Variants in AHNAK observed in about 807,000 individuals in gnomAD.
The protein encoded by AHNAK is neuroblast differentiation-associated protein AHNAK.
AHNAK carries 23 observed loss-of-function variants against 37.8 expected under a neutral mutation model. That is an observed-to-expected ratio of 0.61 (90% CI 0.44 to 0.86). AHNAK has a LOEUF of 0.86. Among genes scored for constraint, AHNAK ranks in the 40% least tolerant of loss-of-function variants. The pLI, the probability that AHNAK is intolerant of heterozygous loss-of-function variation, is 0.00. For synonymous variants in AHNAK, 2,481 were observed against 2,636.3 expected (o/e 0.94, Z 1.80); for missense variants, 7,411 against 7,319.4 (o/e 1.01, Z -0.46).
At chr11:62,442,392 A>G (rs1284798913) in intron 5 of AHNAK, among the ~76,000 whole-genome samples, 2 of 152,072 alleles carry the variant, frequency 1.3e-5, no homozygotes, top group Non-Finnish European at 2.9e-5. Flanking sequence ...TATGAAAAAT[A>G]CAAAAATTAG....
downstream of AHNAK, among the ~76,000 whole-genome samples, chr11:62,515,230 G>A (rs1053705840): frequency 1.3e-5 from 2 of 152,188 alleles, no homozygotes; most frequent in Non-Finnish European, 2.9e-5. Context: ...CACAAGATCA[G>A]CACCCTGGCC....
chr11:62,495,225 G>A (rs1407512318), intron 4 of AHNAK, among the ~76,000 whole-genome samples: 3 of 151,922 alleles, frequency 2.0e-5, no homozygotes, highest in Admixed American at 6.6e-5. Flanking sequence ...AAACTACCTG[G>A]TTCATAAACC....
chr11:62,485,729 CAG>C (rs1939378035), intron 5 of AHNAK, among the ~76,000 whole-genome samples: 2 of 132,482 alleles, frequency 1.5e-5, no homozygotes, highest in Non-Finnish European at 1.6e-5. Flanking sequence ...AAAAGAATAA[CAG>C]AAGGCCGGGA....
Position 62,519,562 on chromosome 11 carries a change from G to A in AHNAK, c.14855C>T (p.Pro4952Leu), listed in dbSNP as rs751457214. ...VDLKGPKVEAPSLDVHMDSPD... is the reference protein window; with the variant it reads ...VDLKGPKVEALSLDVHMDSPD... ...GCTGTCCATGTGTACATCTAAGCTT[G>A]GAGCTTCAACTTTGGGTCCCTTGAG... Residue 4952 changes from proline (P) to leucine (L), a missense_variant, in exon 5 of 5, where the codon CCA (proline) becomes CTA (leucine). Transcript: ENST00000378024. The A allele has an allele frequency of 4.3e-6, 7 of 1,611,276 alleles. No individual in the cohort carries two copies. In the Admixed American group the frequency reaches 1.0e-4, roughly 23 times the overall value.
rs202133831 is a variant in AHNAK, at chr11:62,530,368, C to T, written c.4049G>A (p.Gly1350Asp). 17 of 1,613,952 alleles carry T rather than the reference C, an allele frequency of 1.1e-5. No homozygotes were observed. The South Asian group carries it at 1.8e-4, about 17-fold the overall frequency. ...DVDVSLPEVE[G>D]EMKVPDVDIK... is the part of the protein sequence containing the mutation. ...GTCAACATCTGGCACTTTCATTTCA[C>T]CTTCTACCTCAGGCAAGGACACATC... Residue 1350 changes from glycine (G) to aspartate (D), a missense_variant, in exon 5 of 5, where the codon GGT becomes GAT. Gly to Asp is a moderately conservative substitution (Grantham distance 94). Transcript: ENST00000378024.
In AHNAK at chr11:62,532,870, CCTTTCAGTTTAGGAGACCCAAG is replaced by C; in HGVS notation, c.1525_1546del (p.Leu509GlufsTer28). On this transcript the variant is annotated frameshift_variant, in exon 5 of 5. Transcript: ENST00000378024. LOFTEE classifies it low-confidence loss of function (END_TRUNC). ...CCCAGGAGCAGAAACCTTAATATCT[CCTTTCAGTTTAGGAGACCCAAG>C]GCTCAGATCCACATCCTGCATGGAG... 1 of 1,614,054 alleles carries C rather than the reference CCTTTCAGTTTAGGAGACCCAAG, an allele frequency of 6.2e-7. No homozygotes were observed. The highest frequency in any genetic ancestry group is 8.5e-7 in the Non-Finnish European group (1 of 1,180,002).
In AHNAK at chr11:62,516,671, T is replaced by C; in HGVS notation, c.*73A>G. 6.6e-7 allele frequency: 1 copy of C among 1,515,142 alleles called. No homozygotes were observed. The highest frequency in any genetic ancestry group is 8.8e-7 in the Non-Finnish European group (1 of 1,137,548). 93.9% of individuals were successfully genotyped at this position (1,515,142 alleles called of 1,614,324 possible). Reference sequence around the variant, plus strand: ...CAGTCGGTGTGTTTCCCTTTGGAGTTTATATAGGAACACACCACCCAAGGC... The same window carrying C: ...CAGTCGGTGTGTTTCCCTTTGGAGTCTATATAGGAACACACCACCCAAGGC... On this transcript the variant is annotated 3_prime_UTR_variant, in exon 5 of 5. Coordinates refer to ENST00000378024, the MANE Select transcript of AHNAK (RefSeq NM_001620.3).
At chr11:62,544,254 C>T (rs1941232678) in intron 1 of AHNAK, among the ~76,000 whole-genome samples, 2 of 152,208 alleles carry the variant, frequency 1.3e-5, no homozygotes, top group Admixed American at 6.5e-5. Context: ...GACCTTCTCC[C>T]TCAACAGGTC....
At position 62,518,132 on chromosome 11, in the gene AHNAK, C is replaced by T. The variant is rs1244233617; in HGVS notation, c.16285G>A (p.Val5429Ile). The T allele has an allele frequency of 1.2e-6, 2 of 1,614,200 alleles. No individual in the cohort carries two copies. Among genetic ancestry groups the T allele is most frequent in the South Asian group, 2.2e-5 (2 of 91,082 alleles). Reference sequence around the variant, plus strand: ...CCTGGCCCCTTCAGTTCGCCAGAAACCTGTGGCCCCTTGGCATTGACGTGC... The same window carrying T: ...CCTGGCCCCTTCAGTTCGCCAGAAATCTGTGGCCCCTTGGCATTGACGTGC... ...DLHVNAKGPQ[V>I]SGELKGPGVD... The change falls in exon 5 of 5, where the codon GTT becomes ATT. Residue 5429 changes from valine (V) to isoleucine (I), a missense_variant. By Grantham distance (29) the Val-to-Ile change is conservative. Coordinates refer to ENST00000378024, the MANE Select transcript of AHNAK (RefSeq NM_001620.3).
intron 5 of AHNAK, among the ~76,000 whole-genome samples, chr11:62,442,571 A>G (rs984746938): frequency 1.3e-5 from 2 of 151,632 alleles, no homozygotes; most frequent in African/African-American, 4.8e-5. Context: ...CAATAAATCT[A>G]TTTAGAGAAA....
At position 62,468,371 on chromosome 11, in the gene AHNAK, A is replaced by AT. The variant is rs1555021984; in HGVS notation, c.442+23360_442+23361insA. Among the ~76,000 whole-genome samples the AT allele has an allele frequency of 5.2e-3, 774 of 149,530 alleles. 7 individuals carry two copies. The highest frequency in any genetic ancestry group is 0.017 in the African/African-American group (701 of 40,360). On this transcript the variant is annotated intron_variant, in intron 5 of 5. Transcript: ENST00000257247. ...TCCCAAAAAAAAGAAAAAAAAAAAA[A>AT]ATATATATATATATGGGGATTTTAT...
chr11:62,498,568 G>A (rs900811202), intron 4 of AHNAK, among the ~76,000 whole-genome samples: 8 of 149,404 alleles, frequency 5.4e-5, no homozygotes, highest in African/African-American at 1.2e-4. Context: ...AGAGCAGCAC[G>A]TGAGCAACAT....
chr11:62,520,911 G>A lies in AHNAK; in HGVS notation c.13506C>T (p.Leu4502=), dbSNP rs748026800. ...EVDIEGPEGK[L]KGPKFKMPDV... is the part of the protein sequence containing the mutation. ...CAGGCATCTTAAACTTGGGACCTTTGAGCTTCCCTTCAGGACCTTCAATGT... is the reference window on the plus strand; with the variant it reads ...CAGGCATCTTAAACTTGGGACCTTTAAGCTTCCCTTCAGGACCTTCAATGT... Residue 4502 remains leucine (L), a synonymous_variant, in exon 5 of 5, where the codon CTC becomes CTT. Transcript: ENST00000378024. 6.2e-7 allele frequency: 1 copy of A among 1,614,030 alleles called. No individual in the cohort carries two copies. The highest frequency in any genetic ancestry group is 2.2e-5 in the East Asian group (1 of 44,878).
At chr11:62,448,887 G>A (rs1184904813) in intron 5 of AHNAK, among the ~76,000 whole-genome samples, 4 of 152,146 alleles carry the variant, frequency 2.6e-5, no homozygotes, top group Non-Finnish European at 5.9e-5. Flanking sequence ...GGCTAACACA[G>A]TGAAACCCCA....
rs1940430833 is a variant in AHNAK, at chr11:62,525,245, C to T, written c.9172G>A (p.Val3058Met). ...KADLDVSGPK[V>M]DIDVPDVNIE... ...TTCACATCTGGAACATCAATGTCCA[C>T]CTTGGGTCCTGAGACATCAAGGTCA... The change falls in exon 5 of 5, where the codon GTG (valine) becomes ATG (methionine). Residue 3058 changes from valine (V) to methionine (M), a missense_variant. Physicochemically the swap from Val to Met is conservative, Grantham distance 21. Coordinates refer to ENST00000378024, the MANE Select transcript of AHNAK (RefSeq NM_001620.3). 1 of 1,612,450 alleles carries T rather than the reference C, an allele frequency of 6.2e-7. No individual in the cohort carries two copies. Among genetic ancestry groups the T allele is most frequent in the Non-Finnish European group, 8.5e-7 (1 of 1,179,728 alleles).
intron 5 of AHNAK, among the ~76,000 whole-genome samples, chr11:62,490,202 T>TC (rs1217275642): frequency 7.2e-6 from 1 of 139,312 alleles, no homozygotes; most frequent in East Asian, 2.1e-4. Context: ...TTTTTCTTTT[T>TC]TTTTTTTTTT....
chr11:62,486,776 A>G (rs558825967), intron 5 of AHNAK, among the ~76,000 whole-genome samples: 2 of 151,330 alleles, frequency 1.3e-5, no homozygotes, highest in African/African-American at 4.9e-5. Flanking sequence ...TTTTCTTTAC[A>G]TAGATGGAGA....
At chr11:62,449,875 T>C (rs1938495801) in intron 5 of AHNAK, among the ~76,000 whole-genome samples, 1 of 152,114 alleles carries the variant, frequency 6.6e-6, no homozygotes, top group African/African-American at 2.4e-5. Flanking sequence ...AAATGCTCAA[T>C]ACTGAAAGGT....
At chr11:62,515,432 G>T (rs567282086), downstream of AHNAK, among the ~76,000 whole-genome samples, 1 of 152,188 alleles carries the variant, frequency 6.6e-6, no homozygotes, top group Non-Finnish European at 1.5e-5. Flanking sequence ...CAGGAAAATC[G>T]CTTGAACCCA....
Sources: gnomAD v4.1 joint callset for allele counts (sites outside exome capture counted in the v4.1 genomes callset) on GRCh38, gnomAD v4.1.1 for gene constraint, MANE v1.5 for transcripts, NCBI Gene and HGNC (gene_info 2026-07-23, HGNC 2026-07-21) for gene names.